Variants in ZNF682 observed in about 807,000 individuals in gnomAD.
The protein encoded by ZNF682 is zinc finger protein 682.
A neutral mutation model predicts 36.5 loss-of-function variants in ZNF682; 29 were observed. The ratio of observed to expected loss-of-function variants is 0.80; its 90% CI spans 0.59 to 1.08. The LOEUF is 1.08. Among genes scored for constraint, ZNF682 ranks in the 50% least tolerant of loss-of-function variants. The pLI is 0.00. For synonymous variants in ZNF682, 180 were observed against 197.0 expected (o/e 0.91, Z 0.72); for missense variants, 561 against 579.7 (o/e 0.97, Z 0.33).
chr19:20,000,076 T>C (rs1431997089), downstream of ZNF682, among the ~76,000 whole-genome samples: 1 of 152,198 alleles, frequency 6.6e-6, no homozygotes, highest in Non-Finnish European at 1.5e-5. Context: ...TGTGATTTCA[T>C]AATTACATAC....
intron 3 of ZNF682, among the ~76,000 whole-genome samples, chr19:20,019,835 T>C (rs1210724869): frequency 1.3e-5 from 2 of 152,118 alleles, no homozygotes; most frequent in South Asian, 2.1e-4. Flanking sequence ...TTGGGTGATG[T>C]ATACCCTAAA....
At chr19:20,002,482 A>G (rs1233029761), downstream of ZNF682, among the ~76,000 whole-genome samples, 1 of 152,202 alleles carries the variant, frequency 6.6e-6, no homozygotes, top group East Asian at 1.9e-4. Context: ...CACTAAATAC[A>G]CGTATATTAA....
downstream of ZNF682, among the ~76,000 whole-genome samples, chr19:20,002,347 A>C (rs8109906): frequency 0.82 from 124,179 of 151,378 alleles, 51,201 homozygotes; most frequent in Middle Eastern, 0.89. Context: ...CCCGCCTTGG[A>C]CTCCCAAGGC....
intron 1 of ZNF682, among the ~76,000 whole-genome samples, chr19:20,031,939 T>G (rs187298216): frequency 3.6e-4 from 55 of 152,254 alleles, no homozygotes; most frequent in African/African-American, 1.2e-3. Context: ...ATAACATTGA[T>G]TAGTGATTGG....
intron 1 of ZNF682, among the ~76,000 whole-genome samples, chr19:20,036,548 G>C (rs1407103994): frequency 7.3e-6 from 1 of 137,654 alleles, no homozygotes; most frequent in Non-Finnish European, 1.5e-5. Context: ...AGAGGTTACA[G>C]TGAGCCGAGA....
At chr19:20,037,311 G>A (rs1599620795) in intron 1 of ZNF682, among the ~76,000 whole-genome samples, 1 of 152,168 alleles carries the variant, frequency 6.6e-6, no homozygotes, top group Admixed American at 6.5e-5. Flanking sequence ...GCTATAGATT[G>A]TGTCCCAGGA....
chr19:20,002,900 G>C (rs1282890411), downstream of ZNF682, among the ~76,000 whole-genome samples: 1 of 152,066 alleles, frequency 6.6e-6, no homozygotes, highest in Admixed American at 6.6e-5. Context: ...AAAATTAAAA[G>C]AACAACAAGG....
At chr19:20,019,307 T>C (rs2088364295) in intron 3 of ZNF682, among the ~76,000 whole-genome samples, 1 of 152,072 alleles carries the variant, frequency 6.6e-6, no homozygotes, top group African/African-American at 2.4e-5. Context: ...TAGGCAAAAA[T>C]GATGCAACTA....
downstream of ZNF682, among the ~76,000 whole-genome samples, chr19:20,003,089 G>A (rs145794344): frequency 0.071 from 10,532 of 148,434 alleles, 560 homozygotes; most frequent in East Asian, 0.18. Context: ...TACTCGGGAG[G>A]CTGAGGCAGG....
At chr19:20,015,776 A>C (rs2088329321) in intron 3 of ZNF682, 1 of 398,056 alleles carries the variant, frequency 2.5e-6, no homozygotes, top group Non-Finnish European at 4.4e-6. Context: ...GCACTTACAT[A>C]ATACTAGGGA....
intron 1 of ZNF682, chr19:20,031,102 C>T (rs1159600767): frequency 6.6e-6 from 1 of 152,280 alleles, no homozygotes. Flanking sequence ...ACAGGAAACA[C>T]TGAGACTGAT....
intron 1 of ZNF682, among the ~76,000 whole-genome samples, chr19:20,028,403 C>G (rs2122376271): frequency 6.6e-6 from 1 of 152,092 alleles, no homozygotes; most frequent in African/African-American, 2.4e-5. Context: ...GTAGAGATGG[C>G]CTTTCACGAT....
chr19:20,037,293 T>C (rs1176065003), intron 1 of ZNF682, among the ~76,000 whole-genome samples: 1 of 152,128 alleles, frequency 6.6e-6, no homozygotes, highest in Non-Finnish European at 1.5e-5. Context: ...ACGGAAGGAC[T>C]GGTTCATGCT....
chr19:20,008,099 G>C (rs1041765777), intron 3 of ZNF682: 5 of 152,336 alleles, frequency 3.3e-5, no homozygotes, highest in Admixed American at 6.5e-5. Context: ...CAACTGCCCA[G>C]GTCTTCAGCA....
chr19:20,016,132 G>C (rs1385346164), intron 3 of ZNF682, among the ~76,000 whole-genome samples: 4 of 152,112 alleles, frequency 2.6e-5, no homozygotes, highest in Non-Finnish European at 5.9e-5. Context: ...ACAACATGGT[G>C]AAACTCCATC....
chr19:20,032,796 C>G (rs572708173), intron 1 of ZNF682, among the ~76,000 whole-genome samples: 59 of 152,264 alleles, frequency 3.9e-4, no homozygotes, highest in Non-Finnish European at 6.5e-4. Context: ...TCAAGAAGAC[C>G]ACGTGACAGC....
chr19:19,995,972 C>T (rs1334685969), downstream of ZNF682, among the ~76,000 whole-genome samples: 1 of 152,184 alleles, frequency 6.6e-6, no homozygotes, highest in African/African-American at 2.4e-5. Flanking sequence ...ATGGGGTTGC[C>T]ATGGGCCCCA....
chr19:20,038,369 A>G (rs2088552466), intron 1 of ZNF682, among the ~76,000 whole-genome samples: 1 of 152,180 alleles, frequency 6.6e-6, no homozygotes, highest in Non-Finnish European at 1.5e-5. Context: ...ATGTACAAAA[A>G]AGGACTAATA....
intron 3 of ZNF682, chr19:20,008,260 G>A (rs1025389469): frequency 6.6e-6 from 1 of 152,302 alleles, no homozygotes; most frequent in African/African-American, 2.4e-5. Flanking sequence ...GGAAGGGTGT[G>A]GCCAGATGAC....
Sources: allele counts gnomAD v4.1 joint callset (sites outside exome capture counted in the v4.1 genomes callset), GRCh38; gene constraint gnomAD v4.1.1; transcripts MANE v1.5; gene names NCBI Gene and HGNC (gene_info 2026-07-23, HGNC 2026-07-21).